Variants in CCDC146 observed in about 807,000 individuals in gnomAD.
CCDC146 encodes coiled-coil domain containing 146.
Under a neutral mutation model 119.3 loss-of-function variants are expected in CCDC146, and 92 were observed. That is an observed-to-expected ratio of 0.77 (90% CI 0.65 to 0.92). The LOEUF is 0.92. Ranked by LOEUF, CCDC146 falls within the 40% of genes least tolerant of loss-of-function variation. CCDC146 has a pLI of 0.00. For missense variants in CCDC146, 1,000 were observed against 1,103.0 expected, an observed-to-expected ratio of 0.91 and a Z score of 1.32; for synonymous variants, 372 against 371.8, an observed-to-expected ratio of 1.00 and a Z score of -0.01.
intron 12 of CCDC146, 38 bp from the exon 13 acceptor site, chr7:77,278,899 A>G: frequency 1.2e-6 from 2 of 1,600,274 alleles, no homozygotes; most frequent in Non-Finnish European, 1.7e-6. Flanking sequence ...CCTGATGTTC[A>G]TTTCATAAGT....
intron 4 of CCDC146, among the ~76,000 whole-genome samples, chr7:77,249,666 C>A (rs766667495): frequency 3.3e-5 from 5 of 151,906 alleles, no homozygotes; most frequent in Non-Finnish European, 7.4e-5. Flanking sequence ...TTTCTCTATC[C>A]ATTTACTTTT....
intron 2 of CCDC146, among the ~76,000 whole-genome samples, chr7:77,171,546 C>G (rs1403493001): frequency 6.6e-6 from 1 of 152,188 alleles, no homozygotes; most frequent in East Asian, 1.9e-4. Flanking sequence ...ATCTGCGCTC[C>G]CCATCAGTAC....
rs1230619677 is a variant in CCDC146, at chr7:77,241,441, A to C, written c.240-250A>C. ...TTTTTCTCATATTTAGGCCAGAGTT[A>C]GGTGTTTTGGAGGAGAATACCACAA... is the stretch of plus-strand genomic sequence containing the variant. On this transcript the variant is annotated intron_variant, in intron 3 of 18. Transcript: ENST00000285871. 2.6e-5 allele frequency among the ~76,000 whole-genome samples: 3 copies of C among 115,322 alleles called. 1 individual carries two copies. The highest frequency in any genetic ancestry group is 7.8e-5 in the African/African-American group (3 of 38,276). The allele number at this position is 115,322 out of a possible 152,430, so 75.7% of individuals were successfully genotyped here.
intron 4 of CCDC146, among the ~76,000 whole-genome samples, chr7:77,247,689 GA>G (rs1236646032): frequency 3.3e-5 from 5 of 152,122 alleles, no homozygotes; most frequent in African/African-American, 1.2e-4. Context: ...AGAATCAAAT[GA>G]AAAAAGTTCA....
chr7:77,192,874 G>T (rs890719631), intron 2 of CCDC146, among the ~76,000 whole-genome samples: 3 of 152,048 alleles, frequency 2.0e-5, no homozygotes, highest in African/African-American at 7.2e-5. Flanking sequence ...AGTGAGCCGA[G>T]ATCTCGCCAT....
intron 17 of CCDC146, among the ~76,000 whole-genome samples, chr7:77,288,729 A>C (rs1793891646): frequency 1.3e-5 from 2 of 152,210 alleles, no homozygotes; most frequent in Admixed American, 6.5e-5. Context: ...CATTGTTTAC[A>C]CCATAGGAAG....
chr7:77,192,297 C>A lies in CCDC146; in HGVS notation c.156+24473C>A, dbSNP rs914030517. The stretch of plus-strand genomic sequence containing the variant: ...TCTCAATAACTCTATCAGGCAGATT[C>A]TATTACTATTCCTATTTTATAATTG... On this transcript the variant is annotated intron_variant, in intron 2 of 18. Coordinates refer to ENST00000285871, the MANE Select transcript of CCDC146 (RefSeq NM_020879.3). Among the ~76,000 whole-genome samples, 5 of 152,280 alleles carry A rather than the reference C, an allele frequency of 3.3e-5. No individual in the cohort carries two copies. In the South Asian group the frequency reaches 1.0e-3, roughly 32 times the overall value.
At chr7:77,186,622 T>C (rs2150420407) in intron 2 of CCDC146, among the ~76,000 whole-genome samples, 1 of 152,204 alleles carries the variant, frequency 6.6e-6, no homozygotes, top group South Asian at 2.1e-4. Context: ...TAACTAAGTA[T>C]AATTGGATTG....
At chr7:77,154,813 A>C (rs1294691380) in intron 1 of CCDC146, among the ~76,000 whole-genome samples, 2 of 152,244 alleles carry the variant, frequency 1.3e-5, no homozygotes, top group East Asian at 3.9e-4. Flanking sequence ...CTTTCAGTAT[A>C]TACCCAGTAA....
intron 2 of CCDC146, among the ~76,000 whole-genome samples, chr7:77,189,093 T>A (rs1791716880): frequency 6.6e-6 from 1 of 152,118 alleles, no homozygotes; most frequent in African/African-American, 2.4e-5. Flanking sequence ...TTTCCTGAAC[T>A]TCAGACTAAT....
At chr7:77,201,073 T>G (rs1791978057) in intron 2 of CCDC146, among the ~76,000 whole-genome samples, 1 of 152,200 alleles carries the variant, frequency 6.6e-6, no homozygotes, top group African/African-American at 2.4e-5. Context: ...TGGCAGACTC[T>G]TTACTCTTCC....
At chr7:77,198,181 A>C (rs1791911685) in intron 2 of CCDC146, 1 of 985,324 alleles carries the variant, frequency 1.0e-6, no homozygotes, top group African/African-American at 1.7e-5. Flanking sequence ...GGCTGCCAGG[A>C]GTATTACCAA....
At chr7:77,180,252 A>G (rs1054856975) in intron 2 of CCDC146, among the ~76,000 whole-genome samples, 34 of 145,368 alleles carry the variant, frequency 2.3e-4, no homozygotes, top group Non-Finnish European at 5.9e-5. Context: ...TGTATGTACC[A>G]TATATATGCA....
At chr7:77,211,008 A>C (rs1395252908) in intron 2 of CCDC146, among the ~76,000 whole-genome samples, 2 of 152,204 alleles carry the variant, frequency 1.3e-5, no homozygotes, top group African/African-American at 2.4e-5. Flanking sequence ...CAGGGACACA[A>C]TGCCAAACTA....
chr7:77,252,501 A>G (rs1793094808), intron 4 of CCDC146, among the ~76,000 whole-genome samples: 1 of 152,246 alleles, frequency 6.6e-6, no homozygotes, highest in South Asian at 2.1e-4. Context: ...GCCATTACCA[A>G]AAGAAGGAAT....
Position 77,292,967 on chromosome 7 carries a change from A to G in CCDC146, c.2431A>G (p.Arg811Gly), listed in dbSNP as rs201527819. 3 of 1,613,894 alleles carry G rather than the reference A, an allele frequency of 1.9e-6. No homozygotes were observed. Among genetic ancestry groups the G allele is most frequent in the South Asian group, 1.1e-5 (1 of 91,054 alleles). Residue 811 changes from arginine (R) to glycine (G), a missense_variant, in exon 18 of 19, where the codon AGA (arginine) becomes GGA (glycine). Physicochemically the swap from Arg to Gly is moderately radical, Grantham distance 125 (BLOSUM62 -2). Transcript: ENST00000285871. Reference protein sequence around the residue: ...LLAKKMNGYQRRIKNATEKMM... With the variant: ...LLAKKMNGYQGRIKNATEKMM... ...TTAATTCTAGATGAATGGCTATCAA[A>G]GAAGGATCAAAAATGCAACTGAGAA...
intron 1 of CCDC146, among the ~76,000 whole-genome samples, chr7:77,149,792 A>T (rs963508130): frequency 6.6e-6 from 1 of 151,600 alleles, no homozygotes; most frequent in African/African-American, 2.4e-5. Flanking sequence ...AAAGCGAGAG[A>T]GAGAGAGAGA....
intron 2 of CCDC146, among the ~76,000 whole-genome samples, chr7:77,177,926 A>G (rs1791524613): frequency 6.6e-6 from 1 of 152,102 alleles, no homozygotes; most frequent in South Asian, 2.1e-4. Context: ...TATTTTTGTT[A>G]TTATTGTTTT....
chr7:77,217,674 C>T (rs779265536), intron 2 of CCDC146, among the ~76,000 whole-genome samples: 12 of 151,928 alleles, frequency 7.9e-5, no homozygotes, highest in South Asian at 2.1e-4. Flanking sequence ...TTAATCATTG[C>T]GCAAACATCA....
Sources: gnomAD v4.1 joint callset for allele counts (sites outside exome capture counted in the v4.1 genomes callset) on GRCh38, gnomAD v4.1.1 for gene constraint, MANE v1.5 for transcripts, NCBI Gene and HGNC (gene_info 2026-07-23, HGNC 2026-07-21) for gene names.